The following SORCS2 variants were observed in gnomAD, a reference collection of about 807,000 sequenced individuals.
SORCS2 encodes the protein sortilin related VPS10 domain containing receptor 2.
In SORCS2, 100 loss-of-function variants were observed where a neutral mutation model predicts 141.6. That is an observed-to-expected ratio of 0.71 (90% confidence interval 0.60 to 0.83). The LOEUF (loss-of-function observed/expected upper bound fraction) is 0.83. Ranked by LOEUF, SORCS2 falls within the 40% of genes least tolerant of loss-of-function variation. The probability of loss-of-function intolerance (pLI) is 0.00; values close to 1 mark genes in which losing one functional copy is unlikely to be tolerated. For synonymous variants in SORCS2, 789 were observed against 676.9 expected, an observed-to-expected ratio of 1.17 and a Z score of -2.57; for missense variants, 1,646 against 1,560.2, an observed-to-expected ratio of 1.05 and a Z score of -0.93.
At chr4:7,395,425 G>A (rs1724147699) in intron 1 of SORCS2, among the ~76,000 whole-genome samples, 1 of 152,188 alleles carries the variant, frequency 6.6e-6, no homozygotes, top group Non-Finnish European at 1.5e-5. Flanking sequence ...AGCTAACAGG[G>A]ACTGGCAGTG....
At chr4:7,325,091 A>G (rs1394753962) in intron 1 of SORCS2, among the ~76,000 whole-genome samples, 1 of 152,206 alleles carries the variant, frequency 6.6e-6, no homozygotes, top group Non-Finnish European at 1.5e-5. Context: ...TGCACGCACC[A>G]AGCTCATCTG....
chr4:7,473,717 C>A (rs6446603), intron 2 of SORCS2, among the ~76,000 whole-genome samples: 37,861 of 151,718 alleles, frequency 0.25, 5,711 homozygotes, highest in Middle Eastern at 0.38. Flanking sequence ...AGGAACTGCT[C>A]CTGGCTGGGA....
chr4:7,334,782 GTC>G (rs1013657736), intron 1 of SORCS2, among the ~76,000 whole-genome samples: 3 of 152,148 alleles, frequency 2.0e-5, no homozygotes, highest in African/African-American at 7.2e-5. Context: ...GGGGAGACCT[GTC>G]CTCCTGGCCG....
At chr4:7,434,147 G>T (rs765536291) in intron 2 of SORCS2, 2 of 1,613,894 alleles carry the variant, frequency 1.2e-6, no homozygotes, top group South Asian at 2.2e-5. Flanking sequence ...CAGAGCTCCT[G>T]CGGGGGGAGA....
intron 2 of SORCS2, among the ~76,000 whole-genome samples, chr4:7,413,946 G>A (rs1031044635): frequency 6.6e-5 from 10 of 152,134 alleles, no homozygotes; most frequent in African/African-American, 2.2e-4. Flanking sequence ...GGCTTTGGGT[G>A]TGTGGAGGGC....
At chr4:7,439,650 A>AGGGAAAG (rs1258487985) in intron 2 of SORCS2, among the ~76,000 whole-genome samples, 1 of 152,110 alleles carries the variant, frequency 6.6e-6, no homozygotes, top group Non-Finnish European at 1.5e-5. Context: ...GTTGAACAGG[A>AGGGAAAG]GGGAAAGGAT....
chr4:7,297,093 G>T (rs1169552458), intron 1 of SORCS2, among the ~76,000 whole-genome samples: 3 of 151,950 alleles, frequency 2.0e-5, no homozygotes, highest in African/African-American at 7.2e-5. Context: ...GCCTGGGGGG[G>T]TCCTCCCCAC....
At chr4:7,578,266 C>G (rs1715898827) in intron 3 of SORCS2, among the ~76,000 whole-genome samples, 1 of 152,204 alleles carries the variant, frequency 6.6e-6, no homozygotes, top group African/African-American at 2.4e-5. Context: ...GCTGCCTGAT[C>G]TTGGATTTTC....
intron 3 of SORCS2, among the ~76,000 whole-genome samples, chr4:7,609,315 C>T (rs552262847): frequency 1.3e-5 from 2 of 152,242 alleles, no homozygotes; most frequent in Middle Eastern, 3.4e-3. Context: ...AAATTCTAAA[C>T]CAGCCAAAGT....
intron 1 of SORCS2, among the ~76,000 whole-genome samples, chr4:7,256,371 A>G (rs1713872256): frequency 6.6e-6 from 1 of 152,184 alleles, no homozygotes; most frequent in Non-Finnish European, 1.5e-5. Context: ...AATGTTGACA[A>G]CCAATTAAAA....
chr4:7,739,679 C>T (rs1039001866), intron 26 of SORCS2, among the ~76,000 whole-genome samples: 12 of 152,152 alleles, frequency 7.9e-5, no homozygotes, highest in African/African-American at 1.9e-4. Context: ...CCGTGTCTCC[C>T]GGTGCCCTTG....
chr4:7,699,830 A>C (rs993801486), intron 12 of SORCS2, among the ~76,000 whole-genome samples: 9 of 151,998 alleles, frequency 5.9e-5, no homozygotes, highest in Non-Finnish European at 1.2e-4. Flanking sequence ...CGAGACAGAG[A>C]GCTCACTCCT....
chr4:7,714,498 G>A (rs556512416), intron 16 of SORCS2, 125 bp downstream of exon 16: 70 of 1,043,702 alleles, frequency 6.7e-5, no homozygotes, highest in African/African-American at 3.7e-4. Context: ...TGTCACAGTC[G>A]CACACTGCCA....
intron 8 of SORCS2, among the ~76,000 whole-genome samples, chr4:7,670,825 G>A (rs1197615585): frequency 6.6e-6 from 1 of 152,146 alleles, no homozygotes; most frequent in Non-Finnish European, 1.5e-5. Context: ...AGGGTGCAGG[G>A]GTGCCATAAG....
Position 7,597,306 on chromosome 4 carries a change from C to T in SORCS2, c.649-41022C>T, listed in dbSNP as rs1350219969. 2.0e-5 allele frequency among the ~76,000 whole-genome samples: 3 copies of T among 146,560 alleles called. No individual in the cohort carries two copies. In the South Asian group the frequency reaches 6.6e-4, roughly 32 times the overall value. On this transcript the variant is annotated intron_variant, in intron 3 of 26. Coordinates refer to ENST00000507866, the MANE Select transcript of SORCS2 (RefSeq NM_020777.3). ...GGGGCGATTGCAATCGGAGATGGGG[C>T]TCTTGCAATGGGGAAGGGACTGTTG...
chr4:7,569,224 CCA>C (rs1715216747), intron 3 of SORCS2, among the ~76,000 whole-genome samples: 1 of 152,158 alleles, frequency 6.6e-6, no homozygotes, highest in Non-Finnish European at 1.5e-5. Context: ...TTAGAAATAT[CCA>C]CAGAGGCTGG....
intron 18 of SORCS2, among the ~76,000 whole-genome samples, 190 bp downstream of exon 18, chr4:7,718,373 T>C (rs1035111600): frequency 1.3e-5 from 2 of 152,196 alleles, no homozygotes; most frequent in African/African-American, 4.8e-5. Flanking sequence ...GAGACCAGCA[T>C]TTAACAATGA....
At chr4:7,382,732 G>T (rs773647914) in intron 1 of SORCS2, among the ~76,000 whole-genome samples, 26 of 152,012 alleles carry the variant, frequency 1.7e-4, no homozygotes, top group Non-Finnish European at 2.9e-4. Context: ...TGGAGGGGAT[G>T]GTCTGCAGGT....
chr4:7,677,742 G>A (rs1275519879), intron 9 of SORCS2, among the ~76,000 whole-genome samples: 1 of 152,182 alleles, frequency 6.6e-6, no homozygotes, highest in Non-Finnish European at 1.5e-5. Context: ...CCATTTGTTT[G>A]CAATAATAAC....
Sources: allele counts gnomAD v4.1 joint callset (sites outside exome capture counted in the v4.1 genomes callset), GRCh38; gene constraint gnomAD v4.1.1; transcripts MANE v1.5; gene names NCBI Gene and HGNC (gene_info 2026-07-23, HGNC 2026-07-21).